Variants in UBL3 observed in about 807,000 individuals in gnomAD.
UBL3 encodes the protein ubiquitin-like protein 3.
Under a neutral mutation model 18.4 loss-of-function variants are expected in UBL3, and 6 were observed. That is an observed-to-expected ratio of 0.33 (90% CI 0.18 to 0.64). UBL3 has a LOEUF of 0.64. UBL3 is among the 30% of genes least tolerant of loss of function. UBL3 has a pLI of 0.76. For missense variants in UBL3, 109 were observed against 142.9 expected, an observed-to-expected ratio of 0.76 and a Z score of 1.21; for synonymous variants, 49 against 46.6, an observed-to-expected ratio of 1.05 and a Z score of -0.21.
At chr13:29,849,386 A>C in intron 1 of UBL3, 126 bp downstream of exon 1, 2 of 1,302,340 alleles carry the variant, frequency 1.5e-6, no homozygotes, top group Non-Finnish European at 2.2e-6. Flanking sequence ...CAACTTCTCC[A>C]AATCGCTCAG....
rs569101405 is a variant in UBL3, at chr13:29,767,200, G to A, written c.*55C>T. 311 of 1,600,838 alleles carry A rather than the reference G, an allele frequency of 1.9e-4. 1 individual carries two copies. The highest frequency in any genetic ancestry group is 1.8e-3 in the Middle Eastern group (11 of 6,010). ...TCTGAAGCAATGTCGGGTCTTTTCT[G>A]TCCCAGCAGCATGAAAGACAAAGAC... On this transcript the variant is annotated 3_prime_UTR_variant, in exon 5 of 5. Transcript: ENST00000380680.
intron 1 of UBL3, among the ~76,000 whole-genome samples, chr13:29,841,994 T>A (rs1466667369): frequency 6.6e-6 from 1 of 152,136 alleles, no homozygotes; most frequent in Non-Finnish European, 1.5e-5. Context: ...ATCCCCTTCA[T>A]TTATCCTGTC....
At chr13:29,848,462 A>C (rs1443372544) in intron 1 of UBL3, among the ~76,000 whole-genome samples, 3 of 151,940 alleles carry the variant, frequency 2.0e-5, no homozygotes, top group Admixed American at 6.6e-5. Flanking sequence ...CGTCTCAAAA[A>C]ATAAAAATTA....
intron 1 of UBL3, among the ~76,000 whole-genome samples, chr13:29,812,660 A>G (rs1878123823): frequency 6.6e-6 from 1 of 152,088 alleles, no homozygotes; most frequent in African/African-American, 2.4e-5. Context: ...AGATTCAGTT[A>G]CCAGAAAACC....
chr13:29,770,079 T>C (rs545130190), intron 3 of UBL3, among the ~76,000 whole-genome samples: 27 of 152,180 alleles, frequency 1.8e-4, no homozygotes, highest in Admixed American at 1.4e-3. Flanking sequence ...TGATCCTAAG[T>C]CTAATTCACA....
At chr13:29,835,626 G>A (rs370843204) in intron 1 of UBL3, among the ~76,000 whole-genome samples, 3 of 151,438 alleles carry the variant, frequency 2.0e-5, no homozygotes, top group South Asian at 2.1e-4. Flanking sequence ...GCGGTGGTGC[G>A]TGCCTGTAGT....
intron 1 of UBL3, among the ~76,000 whole-genome samples, chr13:29,812,860 T>C (rs1878133486): frequency 1.3e-5 from 2 of 152,082 alleles, no homozygotes; most frequent in East Asian, 3.8e-4. Context: ...CAATTAGATG[T>C]TGAAATTATA....
chr13:29,842,648 A>G (rs1879134842), intron 1 of UBL3, among the ~76,000 whole-genome samples: 1 of 152,210 alleles, frequency 6.6e-6, no homozygotes, highest in Non-Finnish European at 1.5e-5. Flanking sequence ...ATTAAATGCT[A>G]TAATGTAAAA....
At chr13:29,794,444 C>T (rs1267765119) in intron 1 of UBL3, among the ~76,000 whole-genome samples, 3 of 151,994 alleles carry the variant, frequency 2.0e-5, no homozygotes, top group Admixed American at 1.3e-4. Context: ...AAACTAAGTA[C>T]CCAGGTATAG....
At position 29,767,703 on chromosome 13, in the gene UBL3, A is replaced by G; in HGVS notation, c.224-8T>C. On this transcript the variant is annotated splice_region_variant and splice_polypyrimidine_tract_variant and intron_variant, in intron 3 of 4. Transcript: ENST00000380680. ...CAAAAGGAAGTTTTAATGCTATGTG[A>G]AAAGCAAAAGATGATTAGTTACACA... 1 of 1,611,274 alleles carries G rather than the reference A, an allele frequency of 6.2e-7. No individual in the cohort carries two copies. The highest frequency in any genetic ancestry group is 8.5e-7 in the Non-Finnish European group (1 of 1,178,010).
In UBL3 at chr13:29,765,080, C is replaced by T. The variant is rs1876632253; in HGVS notation, c.*2175G>A. Reference sequence around the variant, plus strand: ...ACCAGTTTATTTCACTTAGCAAACTCTAAATTGAGGGAAATATATAATCTG... The same window carrying T: ...ACCAGTTTATTTCACTTAGCAAACTTTAAATTGAGGGAAATATATAATCTG... On this transcript the variant is annotated 3_prime_UTR_variant, in exon 5 of 5. Coordinates refer to ENST00000380680, the MANE Select transcript of UBL3 (RefSeq NM_007106.4). The T allele has an allele frequency of 6.6e-6, 1 of 151,784 alleles. No individual in the cohort carries two copies. The highest frequency in any genetic ancestry group is 6.6e-5 in the Admixed American group (1 of 15,226). The allele number at this position is 151,784 out of a possible 1,614,324, so 9.4% of individuals were successfully genotyped here. A position where few individuals can be genotyped will look rare whatever the true frequency, so the allele number is the denominator to read the frequency against.
intron 1 of UBL3, among the ~76,000 whole-genome samples, chr13:29,803,978 CATTCTTCAGAATGTAT>C (rs993681455): frequency 2.1e-4 from 32 of 151,884 alleles, no homozygotes; most frequent in African/African-American, 3.6e-4. Context: ...AAAAAACATA[CATTCTTCAGAATGTAT>C]ATTCTTCAGA....
chr13:29,790,662 ACATATTAAAAGGG>A (rs1877458624), intron 1 of UBL3, among the ~76,000 whole-genome samples: 1 of 152,182 alleles, frequency 6.6e-6, no homozygotes, highest in African/African-American at 2.4e-5. Context: ...ATGCATGTTA[ACATATTAAAAGGG>A]CACAGAATTC....
chr13:29,772,229 T>A, intron 2 of UBL3, 31 bp from the exon 3 acceptor site: 1 of 1,550,362 alleles, frequency 6.5e-7, no homozygotes, highest in Non-Finnish European at 8.8e-7. Flanking sequence ...TGGTTAGGTA[T>A]ATTCCAACAT....
At chr13:29,802,519 C>G (rs1476565860) in intron 1 of UBL3, among the ~76,000 whole-genome samples, 3 of 152,162 alleles carry the variant, frequency 2.0e-5, no homozygotes, top group Non-Finnish European at 2.9e-5. Flanking sequence ...TGAAGATCAT[C>G]AAGGTTCAGG....
intron 1 of UBL3, among the ~76,000 whole-genome samples, chr13:29,788,838 AGTGTGTGTGTGTGTGT>A (rs58898742): frequency 1.4e-5 from 2 of 138,238 alleles, no homozygotes; most frequent in Middle Eastern, 3.6e-3. Flanking sequence ...TTAATGGGGA[AGTGTGTGTGTGTGTGT>A]GTGTGTGTGT....
intron 1 of UBL3, among the ~76,000 whole-genome samples, chr13:29,822,802 T>C (rs1205105726): frequency 1.3e-5 from 2 of 152,208 alleles, no homozygotes; most frequent in African/African-American, 2.4e-5. Flanking sequence ...AGGTTTTCTT[T>C]TGAGTGAGTG....
At chr13:29,829,728 T>A (rs1410556862) in intron 1 of UBL3, among the ~76,000 whole-genome samples, 1 of 152,178 alleles carries the variant, frequency 6.6e-6, no homozygotes, top group Non-Finnish European at 1.5e-5. Context: ...CCCAGTGAGA[T>A]GAACCCAGTA....
intron 3 of UBL3, 101 bp from the exon 4 acceptor site, chr13:29,767,796 CTTCT>C (rs1405482363): frequency 4.2e-6 from 4 of 958,282 alleles, no homozygotes; most frequent in South Asian, 1.8e-5. Flanking sequence ...TTTTTTATGA[CTTCT>C]TTAACAGATT....
Sources: gnomAD v4.1 joint callset for allele counts (sites outside exome capture counted in the v4.1 genomes callset) on GRCh38, gnomAD v4.1.1 for gene constraint, MANE v1.5 for transcripts, NCBI Gene and HGNC (gene_info 2026-07-23, HGNC 2026-07-21) for gene names.